Variants in TNRC6C observed in about 807,000 individuals in gnomAD.
TNRC6C encodes the protein trinucleotide repeat containing adaptor 6C, also known as trinucleotide repeat-containing gene 6C protein.
TNRC6C carries 20 observed loss-of-function variants against 153.7 expected under a neutral mutation model. The ratio of observed to expected loss-of-function variants is 0.13; its 90% CI spans 0.09 to 0.19. The LOEUF is 0.19. TNRC6C is among the 10% of genes least tolerant of loss of function. The pLI, the probability that TNRC6C is intolerant of heterozygous loss-of-function variation, is 1.00. For synonymous variants in TNRC6C, 811 were observed against 841.4 expected, an observed-to-expected ratio of 0.96 and a Z score of 0.63; for missense variants, 1,987 against 2,172.0, an observed-to-expected ratio of 0.91 and a Z score of 1.69.
intron 13 of TNRC6C, among the ~76,000 whole-genome samples, chr17:78,088,149 T>C (rs1298055615): frequency 6.6e-6 from 1 of 152,230 alleles, no homozygotes; most frequent in Non-Finnish European, 1.5e-5. Flanking sequence ...TATATTGTAA[T>C]CATATGAATC....
chr17:78,034,394 TCTTA>T (rs1437848253), intron 2 of TNRC6C, among the ~76,000 whole-genome samples: 1 of 152,040 alleles, frequency 6.6e-6, no homozygotes, highest in Non-Finnish European at 1.5e-5. Context: ...GGGATTGCTT[TCTTA>T]CTGTCTCACA....
intron 1 of TNRC6C, among the ~76,000 whole-genome samples, chr17:77,963,839 A>G (rs2070878673): frequency 6.6e-6 from 1 of 152,252 alleles, no homozygotes; most frequent in Admixed American, 6.5e-5. Flanking sequence ...ATTAAGGATG[A>G]GCAATAATAT....
chr17:78,106,606 T>C (rs2073702025), exon 20 of TNRC6C: 1 of 149,926 alleles, frequency 6.7e-6, no homozygotes, highest in Non-Finnish European at 1.5e-5. Flanking sequence ...AAATACCTAA[T>C]CTCTAATGTG....
chr17:78,043,346 A>ATGGT (rs1173009880), intron 2 of TNRC6C, among the ~76,000 whole-genome samples: 2 of 152,160 alleles, frequency 1.3e-5, no homozygotes, highest in East Asian at 3.9e-4. Context: ...GAGAAAAGAG[A>ATGGT]TGGTTGGTTG....
At chr17:78,048,740 A>G (rs550130714) in intron 2 of TNRC6C, 105 bp from the exon 5 acceptor site, 28 of 1,106,028 alleles carry the variant, frequency 2.5e-5, no homozygotes, top group Middle Eastern at 3.4e-4. Context: ...TGTCATTCAG[A>G]TTTGAAGACT....
upstream of TNRC6C, among the ~76,000 whole-genome samples, chr17:78,002,002 A>G (rs191585314): frequency 2.9e-4 from 44 of 152,274 alleles, no homozygotes; most frequent in Middle Eastern, 6.8e-3. Context: ...CCTTTTCTTT[A>G]TTCTCCTTGC....
chr17:77,998,040 C>T (rs2071356701), intron 1 of TNRC6C, among the ~76,000 whole-genome samples: 1 of 152,166 alleles, frequency 6.6e-6, no homozygotes, highest in African/African-American at 2.4e-5. Flanking sequence ...GTACCATTCA[C>T]TCTGTGGTGT....
chr17:77,958,426 C>A (rs1160829911), upstream of TNRC6C, among the ~76,000 whole-genome samples: 1 of 151,832 alleles, frequency 6.6e-6, no homozygotes, highest in Non-Finnish European at 1.5e-5. Context: ...CGCACCCCGG[C>A]GCGCTCCCCG....
At chr17:78,078,611 G>C (rs1285767254) in intron 9 of TNRC6C, among the ~76,000 whole-genome samples, 1 of 152,080 alleles carries the variant, frequency 6.6e-6, no homozygotes, top group Non-Finnish European at 1.5e-5. Flanking sequence ...GTGAAACATT[G>C]TATGCTGGTA....
chr17:77,978,129 C>G (rs2071027807), intron 1 of TNRC6C, among the ~76,000 whole-genome samples: 2 of 152,002 alleles, frequency 1.3e-5, no homozygotes, highest in Admixed American at 6.6e-5. Flanking sequence ...GATCTCCTGA[C>G]CTTGTGATCC....
At position 77,982,612 on chromosome 17, in the gene TNRC6C, A is replaced by C. The variant is rs1598647426; in HGVS notation, c.-37-21558A>C. On this transcript the variant is annotated intron_variant, in intron 1 of 22. Coordinates refer to the TNRC6C transcript ENST00000636222. ...TATGGGAGGCTGAGGCGGGCAGATCACCTGAGGTCAGGAGTCCAAGACCAG... is the reference window on the plus strand; with the variant it reads ...TATGGGAGGCTGAGGCGGGCAGATCCCCTGAGGTCAGGAGTCCAAGACCAG... 2.0e-5 allele frequency among the ~76,000 whole-genome samples: 3 copies of C among 152,324 alleles called. No homozygotes were observed. In the South Asian group the frequency reaches 6.2e-4, roughly 32 times the overall value.
rs1351245812 is a variant in TNRC6C at position 78,104,713 on chromosome 17, G to A, written c.4941G>A (p.Leu1647=). ...GTGGCAAGGGGAGCAGTGAGCTGCT[G>A]TGGGGCGGGGTGCCCCAGTACTCCA... The change falls in exon 20 of 20, where the codon CTG becomes CTA. Residue 1647 remains leucine, a synonymous_variant. Transcript: ENST00000301624. The surrounding 1 kb of genome is among the most constrained non-coding windows in gnomAD (Gnocchi z 6.2). The A allele has an allele frequency of 1.3e-6, 2 of 1,536,038 alleles. No individual in the cohort carries two copies. Among genetic ancestry groups the A allele is most frequent in the Non-Finnish European group, 1.7e-6 (2 of 1,144,178 alleles).
chr17:77,960,768 G>A (rs989505966), intron 1 of TNRC6C, among the ~76,000 whole-genome samples: 1 of 152,164 alleles, frequency 6.6e-6, no homozygotes, highest in African/African-American at 2.4e-5. Context: ...GCACCCCTAG[G>A]ATGCTTTGTT....
intron 1 of TNRC6C, among the ~76,000 whole-genome samples, chr17:77,964,842 A>G (rs146214613): frequency 2.7e-4 from 41 of 151,894 alleles, no homozygotes; most frequent in Admixed American, 7.2e-4. Flanking sequence ...TAGGGAGGGA[A>G]TTTAATAGGC....
intron 1 of TNRC6C, among the ~76,000 whole-genome samples, chr17:77,976,783 T>C (rs975632624): frequency 6.6e-6 from 1 of 151,608 alleles, no homozygotes; most frequent in South Asian, 2.1e-4. Flanking sequence ...ACAAAAATTA[T>C]CTGGGCGTGG....
chr17:78,069,270 G>A (rs2072943590), intron 5 of TNRC6C, among the ~76,000 whole-genome samples: 1 of 152,096 alleles, frequency 6.6e-6, no homozygotes, highest in African/African-American at 2.4e-5. Context: ...AGAGTAGCTG[G>A]TCCACAGAGA....
intron 1 of TNRC6C, among the ~76,000 whole-genome samples, chr17:77,963,575 C>T (rs1175043325): frequency 6.6e-6 from 1 of 152,170 alleles, no homozygotes; most frequent in Non-Finnish European, 1.5e-5. Context: ...GAATGCATTC[C>T]TCCTCTGTAG....
chr17:78,102,145 C>T (rs568930478), intron 17 of TNRC6C, among the ~76,000 whole-genome samples: 10 of 152,314 alleles, frequency 6.6e-5, no homozygotes, highest in African/African-American at 2.2e-4. Context: ...TGGGGACAGG[C>T]AGAGGTGGAG....
chr17:78,086,132 C>T (rs1230810312), intron 11 of TNRC6C, among the ~76,000 whole-genome samples: 1 of 151,760 alleles, frequency 6.6e-6, no homozygotes, highest in African/African-American at 2.4e-5. Flanking sequence ...TAGTTTGAGA[C>T]CAGCCTGGCC....
Sources: gnomAD v4.1 joint callset for allele counts (sites outside exome capture counted in the v4.1 genomes callset) on GRCh38, gnomAD v4.1.1 for gene constraint, Gnocchi (gnomAD v3.1) non-coding constraint, MANE v1.5 for transcripts, NCBI Gene and HGNC (gene_info 2026-07-23, HGNC 2026-07-21) for gene names.